Variants in SYNE4 observed in about 807,000 individuals in gnomAD.
The protein encoded by SYNE4 is nesprin-4.
Under a neutral mutation model 46.9 loss-of-function variants are expected in SYNE4, and 41 were observed. That is an observed-to-expected ratio of 0.87 (90% CI 0.68 to 1.13). SYNE4 has a LOEUF of 1.13. SYNE4 is among the 50% of genes most tolerant of loss of function. The probability of loss-of-function intolerance (pLI) is 0.00; values close to 1 mark genes in which losing one functional copy is unlikely to be tolerated. For missense variants in SYNE4, 492 were observed against 514.8 expected (o/e 0.96, Z 0.43); for synonymous variants, 221 against 219.5 (o/e 1.01, Z -0.06).
chr19:36,008,740 G>A lies in SYNE4; in HGVS notation c.-59C>T. The A allele has an allele frequency of 6.5e-7, 1 of 1,531,920 alleles. No homozygotes were observed. The highest frequency in any genetic ancestry group is 8.8e-7 in the Non-Finnish European group (1 of 1,139,854). 94.9% of individuals were successfully genotyped at this position (1,531,920 alleles called of 1,614,324 possible). ...GGCAGCCAGTAAGACCTCTTCCCTA[G>A]ACAAGGGTGTCCCAGAGCTCCTCCG... On this transcript the variant is annotated 5_prime_UTR_variant, in exon 1 of 8. Transcript: ENST00000324444.
rs1300912476 is a variant in SYNE4, at chr19:36,006,811, T to C, written c.557A>G (p.Tyr186Cys). Residue 186 changes from tyrosine to cysteine, a missense_variant, in exon 4 of 8, where the codon TAC (tyrosine) becomes TGC (cysteine). Transcript: ENST00000324444. ...GAGCCGCCGGAAGATGGAGTCTCGG[T>C]AAGCTCCCAGGGCCCGCAGGATCTG... ...LEQILRALGA[Y>C]RDSIFRRLWQ... 5 of 1,609,138 alleles carry C rather than the reference T, an allele frequency of 3.1e-6. No homozygotes were observed. The highest frequency in any genetic ancestry group is 1.3e-5 in the African/African-American group (1 of 74,786).
At chr19:36,005,797 T>G (rs143706746) in intron 5 of SYNE4, 90 of 187,530 alleles carry the variant, frequency 4.8e-4, no homozygotes, top group African/African-American at 2.0e-3. Flanking sequence ...GGCAGGCGGA[T>G]CACCTGAGGT....
At position 36,008,778 on chromosome 19, in the gene SYNE4, G is replaced by C. The variant is rs966668788; in HGVS notation, c.-97C>G. ...CAGAGCTCCTCCGCTGGAGTCACCC[G>C]GGCCTGAGGCTGCAGGAGAGGCCCA... On this transcript the variant is annotated 5_prime_UTR_variant, in exon 1 of 8. Transcript: ENST00000324444. 2.7e-6 allele frequency: 4 copies of C among 1,462,916 alleles called. No homozygotes were observed. Among genetic ancestry groups the C allele is most frequent in the Non-Finnish European group, 3.6e-6 (4 of 1,108,152 alleles). The allele number at this position is 1,462,916 out of a possible 1,614,324, so 90.6% of individuals were successfully genotyped here.
At chr19:36,007,696 G>T in intron 2 of SYNE4, 1 of 594,670 alleles carries the variant, frequency 1.7e-6, no homozygotes, top group Non-Finnish European at 2.1e-6. Context: ...GGGCAACATG[G>T]TGAGACATCA....
In SYNE4 at chr19:36,008,678, C is replaced by T; in HGVS notation, c.4G>A (p.Ala2Thr). The change falls in exon 1 of 8, where the codon GCC becomes ACC. Residue 2 changes from alanine (A) to threonine (T), a missense_variant. Transcript: ENST00000324444. ...CTAGGGCCCAGAGGCAGGGACAGGG[C>T]CATGGCTGGGGGCCTGGGGACACAA... M[A>T]LSLPLGPRLG... The T allele has an allele frequency of 6.2e-7, 1 of 1,609,838 alleles. No individual in the cohort carries two copies. Among genetic ancestry groups the T allele is most frequent in the Non-Finnish European group, 8.5e-7 (1 of 1,178,160 alleles).
intron 2 of SYNE4, chr19:36,007,530 G>A (rs1968405308): frequency 1.0e-6 from 1 of 985,190 alleles, no homozygotes; most frequent in African/African-American, 1.7e-5. Flanking sequence ...TCTGGACAGG[G>A]AGCGGGGCTG....
intron 6 of SYNE4, among the ~76,000 whole-genome samples, chr19:36,004,434 G>A (rs1976780976): frequency 6.6e-6 from 1 of 152,186 alleles, no homozygotes; most frequent in African/African-American, 2.4e-5. Context: ...CACAGACTTG[G>A]AATATCTCCA....
chr19:36,006,114 A>G (rs1976842071), intron 5 of SYNE4: 1 of 352,360 alleles, frequency 2.8e-6, no homozygotes, highest in Non-Finnish European at 5.1e-6. Flanking sequence ...AGGAGTGCTC[A>G]TGTTTGGAGG....
At position 36,006,470 on chromosome 19, in the gene SYNE4, C is replaced by T. The variant is rs749993271; in HGVS notation, c.820G>A (p.Glu274Lys). The change falls in exon 5 of 8, where the codon GAG becomes AAG. Residue 274 changes from glutamate (E) to lysine (K), a missense_variant. Coordinates refer to ENST00000324444, the MANE Select transcript of SYNE4 (RefSeq NM_001039876.3). The part of the protein sequence containing the change: ...KTARTLGVPC[E>K]LCGQRGPQGR... ...TGGGGCCCCCTCTGGCCACACAGCT[C>T]ACAGGGCACTCCTAGTGTCCGGGCT... 5.6e-6 allele frequency: 9 copies of T among 1,612,716 alleles called. No individual in the cohort carries two copies. In the Admixed American group the frequency reaches 1.3e-4, roughly 24 times the overall value.
rs772404105 is a variant in SYNE4, at chr19:36,006,623, CTCCCT to C, written c.662_666del (p.Glu221GlyfsTer18). Reference sequence around the variant, plus strand: ...CCACCAGGTCCTGGCCAGTCCGAGTCTCCCTCGACCTCCAAGTCCTGGTCCAGCGT... The same window carrying C: ...CCACCAGGTCCTGGCCAGTCCGAGTCCGACCTCCAAGTCCTGGTCCAGCGT... On this transcript the variant is annotated frameshift_variant, in exon 5 of 8. Transcript: ENST00000324444. LOFTEE classifies it high-confidence loss of function. The C allele has an allele frequency of 5.6e-6, 9 of 1,609,792 alleles. No individual in the cohort carries two copies. The highest frequency in any genetic ancestry group is 6.8e-6 in the Non-Finnish European group (8 of 1,177,962).
At chr19:36,007,511 C>A in intron 2 of SYNE4, 1 of 985,272 alleles carries the variant, frequency 1.0e-6, no homozygotes, top group Non-Finnish European at 1.2e-6. Context: ...ATGTGTGAGG[C>A]CTGGGGGGTC....
At chr19:36,004,848 G>A (rs1416751988) in intron 6 of SYNE4, among the ~76,000 whole-genome samples, 1 of 144,612 alleles carries the variant, frequency 6.9e-6, no homozygotes, top group Non-Finnish European at 1.5e-5. Flanking sequence ...ACTGAGCCCT[G>A]ATGTTATTTC....
intron 5 of SYNE4, chr19:36,006,013 C>A: frequency 6.2e-6 from 1 of 161,372 alleles, no homozygotes; most frequent in Non-Finnish European, 1.3e-5. Flanking sequence ...AGTGAGACTC[C>A]ATCTCAAAAA....
chr19:36,005,628 G>A (rs977890548), intron 5 of SYNE4, 191 bp from the exon 6 acceptor site: 8 of 589,108 alleles, frequency 1.4e-5, no homozygotes, highest in African/African-American at 1.3e-4. Context: ...TACAAGCCAG[G>A]AACTGTTCTA....
chr19:36,004,587 C>T (rs1234843476), intron 6 of SYNE4, among the ~76,000 whole-genome samples: 1 of 152,224 alleles, frequency 6.6e-6, no homozygotes, highest in Admixed American at 6.5e-5. Context: ...ACAGCCACCT[C>T]CCCAACTTCC....
intron 2 of SYNE4, among the ~76,000 whole-genome samples, chr19:36,007,938 T>C (rs1012474829): frequency 3.3e-5 from 5 of 151,402 alleles, no homozygotes; most frequent in Non-Finnish European, 7.4e-5. Context: ...GGCAGGAGAA[T>C]CACTGGGACC....
intron 6 of SYNE4, among the ~76,000 whole-genome samples, chr19:36,005,052 G>T (rs1244802993): frequency 6.6e-6 from 1 of 151,610 alleles, no homozygotes; most frequent in Non-Finnish European, 1.5e-5. Flanking sequence ...AGTTTTAGTA[G>T]AGACGGGGTT....
rs781521838 is a variant in SYNE4 at position 36,003,472 on chromosome 19, G to C, written c.1080C>G (p.Leu360=). 2 of 1,609,882 alleles carry C rather than the reference G, an allele frequency of 1.2e-6. No individual in the cohort carries two copies. The highest frequency in any genetic ancestry group is 1.7e-6 in the Non-Finnish European group (2 of 1,178,022). ...SRQPLTFLLI[L]FLLFLLLVGA... ...CCACCAGGAGGAGGAAGAGGAGGAA[G>C]AGGATAAGGAGGAAGGTCAGAGGCT... Residue 360 remains leucine (L), a synonymous_variant, in exon 8 of 8, where the codon CTC becomes CTG. Transcript: ENST00000324444.
At chr19:36,004,735 C>T (rs1256331975) in intron 6 of SYNE4, among the ~76,000 whole-genome samples, 2 of 152,138 alleles carry the variant, frequency 1.3e-5, no homozygotes, top group Non-Finnish European at 2.9e-5. Context: ...TGCTCCTTCC[C>T]CTGGGGTGGG....
Sources: allele counts gnomAD v4.1 joint callset (sites outside exome capture counted in the v4.1 genomes callset), GRCh38; gene constraint gnomAD v4.1.1; transcripts MANE v1.5; gene names NCBI Gene and HGNC (gene_info 2026-07-23, HGNC 2026-07-21).